CADM2: variants seen among roughly 807,000 people sequenced by gnomAD.
CADM2 encodes the protein immunoglobulin superfamily member 4D.
CADM2 carries 12 observed loss-of-function variants against 49.8 expected under a neutral mutation model. That is an observed-to-expected ratio of 0.24 (90% CI 0.15 to 0.39). CADM2 has a LOEUF of 0.39. Ranked by LOEUF, CADM2 falls within the 10% of genes least tolerant of loss-of-function variation. The pLI, the probability that CADM2 is intolerant of heterozygous loss-of-function variation, is 1.00. For synonymous variants in CADM2, 214 were observed against 175.4 expected (o/e 1.22, Z -1.74); for missense variants, 378 against 492.3 (o/e 0.77, Z 2.20).
rs529447125 is a variant in CADM2 at position 85,761,367 on chromosome 3, C to CTTTTTTTTTTT, written c.88+34832_88+34842dup. On this transcript the variant is annotated intron_variant, in intron 2 of 9. Transcript: ENST00000383699. ...AAAACTGTTGATATACAACACAAAA[C>CTTTTTTTTTTT]TTTTTTTTTTTTTTTTTTTTTTTGG... Among the ~76,000 whole-genome samples the CTTTTTTTTTTT allele has an allele frequency of 1.5e-4, 15 of 101,092 alleles. 2 individuals carry two copies. Among genetic ancestry groups the CTTTTTTTTTTT allele is most frequent in the African/African-American group, 7.2e-4 (15 of 20,840 alleles). The allele number at this position is 101,092 out of a possible 152,430, so 66.3% of individuals were successfully genotyped here.
At chr3:85,748,117 CCT>C (rs1553679609) in intron 2 of CADM2, among the ~76,000 whole-genome samples, 1 of 151,926 alleles carries the variant, frequency 6.6e-6, no homozygotes, top group African/African-American at 2.4e-5. Flanking sequence ...AACTTTTCCC[CCT>C]GTTGAACCAT....
At position 85,082,937 on chromosome 3, in the gene CADM2, A is replaced by G. The variant is rs564303692; in HGVS notation, c.61+123269A>G. ...TGTCCTGAAGAAGTTTAAAAAAATA[A>G]CAATGTTGAGGCAAAAAATTTCCAA... On this transcript the variant is annotated intron_variant, in intron 1 of 9. Transcript: ENST00000383699. 2.0e-5 allele frequency among the ~76,000 whole-genome samples: 3 copies of G among 152,250 alleles called. No individual in the cohort carries two copies. In the South Asian group the frequency reaches 6.2e-4, roughly 32 times the overall value.
chr3:85,126,954 A>G (rs1252397546), intron 1 of CADM2, among the ~76,000 whole-genome samples: 1 of 152,140 alleles, frequency 6.6e-6, no homozygotes, highest in East Asian at 1.9e-4. Flanking sequence ...TGGTATGTGC[A>G]TGCATTGCCT....
chr3:85,529,469 A>T (rs1193097427), intron 1 of CADM2, among the ~76,000 whole-genome samples: 1 of 152,192 alleles, frequency 6.6e-6, no homozygotes, highest in Admixed American at 6.5e-5. Context: ...TTCCCAGCAT[A>T]TGAAAGACCT....
intron 6 of CADM2, among the ~76,000 whole-genome samples, chr3:85,935,480 A>G (rs1025096204): frequency 1.3e-5 from 2 of 152,054 alleles, no homozygotes; most frequent in African/African-American, 2.4e-5. Context: ...AATGCTTGAT[A>G]TTCATCTCAA....
At chr3:85,251,101 T>C (rs1176951331) in intron 1 of CADM2, among the ~76,000 whole-genome samples, 1 of 151,856 alleles carries the variant, frequency 6.6e-6, no homozygotes, top group Non-Finnish European at 1.5e-5. Flanking sequence ...AAGTTTTAAA[T>C]TGAGTTTTTT....
chr3:85,757,144 G>T (rs920581362), intron 2 of CADM2, among the ~76,000 whole-genome samples: 3 of 152,012 alleles, frequency 2.0e-5, no homozygotes, highest in African/African-American at 7.2e-5. Context: ...TTTAACTAAT[G>T]AAATTTACTA....
intron 1 of CADM2, among the ~76,000 whole-genome samples, chr3:85,243,206 G>C (rs988079391): frequency 6.6e-6 from 1 of 151,448 alleles, no homozygotes; most frequent in African/African-American, 2.4e-5. Flanking sequence ...TATTTCAATA[G>C]CAATATTTAC....
intron 1 of CADM2, among the ~76,000 whole-genome samples, chr3:85,319,959 C>T (rs1174951604): frequency 6.6e-6 from 1 of 152,122 alleles, no homozygotes; most frequent in African/African-American, 2.4e-5. Flanking sequence ...CTTCTTCAGT[C>T]CCCTAAAGTA....
chr3:85,737,562 C>CTTTTT (rs3044022), intron 2 of CADM2, among the ~76,000 whole-genome samples: 3 of 141,788 alleles, frequency 2.1e-5, no homozygotes, highest in African/African-American at 7.8e-5. Context: ...TCTTTTCTTT[C>CTTTTT]TTTTTTTTTT....
chr3:85,930,571 A>T (rs1445064053), intron 6 of CADM2, among the ~76,000 whole-genome samples: 2 of 151,684 alleles, frequency 1.3e-5, no homozygotes, highest in African/African-American at 4.8e-5. Context: ...TTTTTCTCGT[A>T]CTCCTTAACC....
At chr3:85,816,615 A>T (rs1409741092) in intron 3 of CADM2, among the ~76,000 whole-genome samples, 6 of 152,172 alleles carry the variant, frequency 3.9e-5, no homozygotes, top group African/African-American at 9.6e-5. Context: ...CTATTTTTCA[A>T]ATATCGTTTT....
At chr3:85,500,368 A>C (rs563011853) in intron 1 of CADM2, among the ~76,000 whole-genome samples, 2 of 152,254 alleles carry the variant, frequency 1.3e-5, no homozygotes, top group South Asian at 4.1e-4. Context: ...CCAGCTCCGA[A>C]ATTGGAATGT....
intron 2 of CADM2, among the ~76,000 whole-genome samples, chr3:85,768,017 C>T (rs138386852): frequency 7.6e-4 from 116 of 152,106 alleles, no homozygotes; most frequent in Middle Eastern, 3.4e-3. Context: ...ATTGTTCAGA[C>T]GATAATGTAT....
At chr3:85,333,355 A>T (rs2044988862) in intron 1 of CADM2, among the ~76,000 whole-genome samples, 1 of 151,796 alleles carries the variant, frequency 6.6e-6, no homozygotes. Context: ...TAAGCATTTT[A>T]GAAAAAAAAT....
intron 2 of CADM2, among the ~76,000 whole-genome samples, chr3:85,734,898 T>C (rs182911717): frequency 1.2e-4 from 18 of 151,482 alleles, no homozygotes; most frequent in African/African-American, 3.1e-4. Flanking sequence ...ACCCACAACA[T>C]AGTAAGAGAT....
intron 1 of CADM2, among the ~76,000 whole-genome samples, chr3:85,592,450 G>A (rs769550853): frequency 3.3e-5 from 5 of 151,834 alleles, no homozygotes; most frequent in Admixed American, 2.0e-4. Context: ...TCAGTGATGC[G>A]AATAGAAGGA....
intron 6 of CADM2, among the ~76,000 whole-genome samples, chr3:85,929,604 C>CAAAT (rs10623835): frequency 0.7 from 105,763 of 151,272 alleles, 38,524 homozygotes; most frequent in African/African-American, 0.92. Flanking sequence ...CCAGTCCTGA[C>CAAAT]AATCCATTCA....
intron 1 of CADM2, among the ~76,000 whole-genome samples, chr3:85,197,421 C>A (rs1404772074): frequency 2.0e-5 from 3 of 151,922 alleles, no homozygotes; most frequent in Non-Finnish European, 4.4e-5. Context: ...CTTTGTGCCA[C>A]TCTGTCTAAT....
Sources: allele counts gnomAD v4.1 joint callset (sites outside exome capture counted in the v4.1 genomes callset), GRCh38; gene constraint gnomAD v4.1.1; transcripts MANE v1.5; gene names NCBI Gene and HGNC (gene_info 2026-07-23, HGNC 2026-07-21).